The following RGS20 variants were observed in gnomAD, a reference collection of about 807,000 sequenced individuals.
The protein encoded by RGS20 is gz-selective GTPase-activating protein.
A neutral mutation model predicts 33.6 loss-of-function variants in RGS20; 30 were observed. That is an observed-to-expected ratio of 0.89 (90% CI 0.67 to 1.21). The LOEUF is 1.21. Ranked by LOEUF, RGS20 falls within the 50% of genes most tolerant of loss-of-function variation. The pLI is 0.00. For synonymous variants in RGS20, 208 were observed against 197.9 expected (o/e 1.05, Z -0.43); for missense variants, 472 against 502.4 (o/e 0.94, Z 0.58).
intron 2 of RGS20, among the ~76,000 whole-genome samples, chr8:53,890,725 G>T (rs1036755597): frequency 1.3e-5 from 2 of 152,136 alleles, no homozygotes; most frequent in African/African-American, 4.8e-5. Flanking sequence ...GAATTCCTGG[G>T]CTCAAGCAGT....
Position 53,879,440 on chromosome 8 carries a change from C to T in RGS20, c.348C>T (p.Leu116=), listed in dbSNP as rs768357401. The change falls in exon 2 of 6, where the codon CTC becomes CTT. Residue 116 remains leucine (L), a synonymous_variant. Coordinates refer to ENST00000297313, the MANE Select transcript of RGS20 (RefSeq NM_170587.4). ...TTCCCGCCCTGCCGGCCGCCCGGCTCTCGAGGGGGCACGAGGAGCTGCCGG... is the reference window on the plus strand; with the variant it reads ...TTCCCGCCCTGCCGGCCGCCCGGCTTTCGAGGGGGCACGAGGAGCTGCCGG... 3 of 1,604,406 alleles carry T rather than the reference C, an allele frequency of 1.9e-6. No individual in the cohort carries two copies. Among genetic ancestry groups the T allele is most frequent in the African/African-American group, 2.7e-5 (2 of 74,242 alleles).
intron 2 of RGS20, among the ~76,000 whole-genome samples, chr8:53,906,388 A>G (rs1713822811): frequency 6.6e-6 from 1 of 152,034 alleles, no homozygotes; most frequent in Admixed American, 6.6e-5. Context: ...AAAAAGAAAA[A>G]AAAACAACTC....
At position 53,923,093 on chromosome 8, in the gene RGS20, C is replaced by T. The variant is rs189844307; in HGVS notation, c.511-16483C>T. 5.4e-4 allele frequency among the ~76,000 whole-genome samples: 82 copies of T among 152,198 alleles called. 1 individual carries two copies. In the Middle Eastern group the frequency reaches 0.017, roughly 32 times the overall value. On this transcript the variant is annotated intron_variant, in intron 2 of 5. Transcript: ENST00000297313. ...TCTTATATGTAGCTCCTTTCTCTCC[C>T]TACTGTTTTGTGGCTACTACTGCTG... is the stretch of plus-strand genomic sequence containing the variant.
chr8:53,896,924 C>T (rs908652390), intron 2 of RGS20, among the ~76,000 whole-genome samples: 30 of 152,158 alleles, frequency 2.0e-4, no homozygotes, highest in African/African-American at 7.2e-4. Context: ...CTATTTCATA[C>T]CATTATCATA....
intron 2 of RGS20, chr8:53,913,712 C>T (rs1457511042): frequency 6.6e-6 from 1 of 152,334 alleles, no homozygotes; most frequent in East Asian, 1.9e-4. Flanking sequence ...GAAGAATCCT[C>T]CCCTAGAGCC....
At chr8:53,947,251 T>TTATACATGCTATATAAGATATAGCATATA (rs1563429156) in intron 4 of RGS20, among the ~76,000 whole-genome samples, 14 of 138,204 alleles carry the variant, frequency 1.0e-4, no homozygotes, top group African/African-American at 3.9e-4. Context: ...TATAGCATAT[T>TTATACATGCTATATAAGATATAGCATATA]TATTTATACA....
intron 1 of RGS20, among the ~76,000 whole-genome samples, chr8:53,865,641 C>T (rs867293794): frequency 4.8e-4 from 73 of 152,136 alleles, no homozygotes; most frequent in South Asian, 2.1e-4. Context: ...AGAGTTTGCC[C>T]TCTCGCCCAG....
chr8:53,885,372 G>A (rs745519548), intron 2 of RGS20, among the ~76,000 whole-genome samples: 44 of 152,328 alleles, frequency 2.9e-4, no homozygotes, highest in Admixed American at 1.5e-3. Flanking sequence ...CCAGCACTTT[G>A]GGAGGCCGAG....
chr8:53,935,932 G>C (rs539178045), intron 2 of RGS20, among the ~76,000 whole-genome samples: 1 of 152,324 alleles, frequency 6.6e-6, no homozygotes, highest in East Asian at 1.9e-4. Context: ...TGGGATGCAA[G>C]GCTGGTTCAA....
intron 2 of RGS20, among the ~76,000 whole-genome samples, chr8:53,903,317 A>G (rs1046580933): frequency 1.1e-4 from 16 of 152,230 alleles, no homozygotes; most frequent in African/African-American, 3.9e-4. Flanking sequence ...CAAAATTCTG[A>G]AAATAGTGAA....
chr8:53,856,443 T>C (rs1210795775), intron 1 of RGS20, among the ~76,000 whole-genome samples: 1 of 152,168 alleles, frequency 6.6e-6, no homozygotes, highest in Non-Finnish European at 1.5e-5. Flanking sequence ...GGTCACAGAC[T>C]CCTGATCTCA....
intron 4 of RGS20, among the ~76,000 whole-genome samples, chr8:53,948,387 CTATA>C (rs1302354441): frequency 2.2e-5 from 3 of 137,350 alleles, no homozygotes; most frequent in East Asian, 4.4e-4. Context: ...TTTATATATG[CTATA>C]TATAAGATAC....
intron 2 of RGS20, among the ~76,000 whole-genome samples, chr8:53,938,888 G>A (rs1301290702): frequency 1.3e-5 from 2 of 152,180 alleles, no homozygotes; most frequent in African/African-American, 4.8e-5. Context: ...AGTAGGTGAG[G>A]GTGACCATCC....
At chr8:53,882,518 C>T (rs1039543445) in intron 2 of RGS20, among the ~76,000 whole-genome samples, 1 of 152,066 alleles carries the variant, frequency 6.6e-6, no homozygotes, top group Non-Finnish European at 1.5e-5. Flanking sequence ...ACGTGGTCTA[C>T]AGGATTTCTG....
In RGS20 at chr8:53,863,167, A is replaced by G. The variant is rs758047982; in HGVS notation, c.165+11103A>G. Among the ~76,000 whole-genome samples, 80 of 152,014 alleles carry G rather than the reference A, an allele frequency of 5.3e-4. 1 individual carries two copies. The highest frequency in any genetic ancestry group is 6.9e-4 in the Non-Finnish European group (47 of 68,014). On this transcript the variant is annotated intron_variant, in intron 1 of 5. Coordinates refer to ENST00000297313, the MANE Select transcript of RGS20 (RefSeq NM_170587.4). ...CATGCCCGGCTAATTTTGTATTTTT[A>G]GTAGAGACGGGGTCTCTCCATGTTG...
intron 2 of RGS20, among the ~76,000 whole-genome samples, chr8:53,909,882 T>C (rs1012455093): frequency 6.6e-6 from 1 of 152,208 alleles, no homozygotes; most frequent in African/African-American, 2.4e-5. Context: ...AAGGAAAATG[T>C]CTGCTGGGTG....
At chr8:53,935,849 AT>A (rs1814114511) in intron 2 of RGS20, among the ~76,000 whole-genome samples, 1 of 152,224 alleles carries the variant, frequency 6.6e-6, no homozygotes, top group African/African-American at 2.4e-5. Context: ...AACATCCTCA[AT>A]AAAATACTGG....
At chr8:53,947,372 A>T (rs1224584646) in intron 4 of RGS20, among the ~76,000 whole-genome samples, 2 of 125,346 alleles carry the variant, frequency 1.6e-5, no homozygotes, top group African/African-American at 5.7e-5. Flanking sequence ...TATATATAAG[A>T]TATAGTATAT....
At chr8:53,950,600 A>C (rs565258329) in intron 4 of RGS20, among the ~76,000 whole-genome samples, 4 of 152,112 alleles carry the variant, frequency 2.6e-5, no homozygotes, top group African/African-American at 9.6e-5. Flanking sequence ...TAGAATGATA[A>C]GAATTGACAT....
Sources: allele counts gnomAD v4.1 joint callset (sites outside exome capture counted in the v4.1 genomes callset), GRCh38; gene constraint gnomAD v4.1.1; transcripts MANE v1.5; gene names NCBI Gene and HGNC (gene_info 2026-07-23, HGNC 2026-07-21).